Variants in SPAST observed in about 807,000 individuals in gnomAD.
SPAST encodes spastic paraplegia 4 (autosomal dominant; spastin).
In SPAST, 30 loss-of-function variants were observed where a neutral mutation model predicts 76.6. The observed-to-expected ratio is 0.39, with a 90% confidence interval of 0.29 to 0.53. The LOEUF (loss-of-function observed/expected upper bound fraction) is 0.53, where lower values mean the gene tolerates loss of function less well. SPAST is among the 20% of genes least tolerant of loss of function. The pLI is 0.68. For synonymous variants in SPAST, 305 were observed against 281.0 expected (o/e 1.09, Z -0.86); for missense variants, 717 against 770.5 (o/e 0.93, Z 0.82).
chr2:32,081,236 C>T (rs916185530), intron 1 of SPAST, among the ~76,000 whole-genome samples: 1 of 152,062 alleles, frequency 6.6e-6, no homozygotes, highest in Admixed American at 6.6e-5. Context: ...GGATTACAGG[C>T]GTGAGCCACC....
chr2:32,126,777 C>CA, intron 7 of SPAST, 171 bp from the exon 8 acceptor site: 1 of 582,746 alleles, frequency 1.7e-6, no homozygotes, highest in Non-Finnish European at 3.0e-6. Flanking sequence ...TGAGCCACCA[C>CA]ACCCAGCTGT....
At chr2:32,083,741 T>TATATATATA (rs1677340464) in intron 1 of SPAST, among the ~76,000 whole-genome samples, 2 of 57,136 alleles carry the variant, frequency 3.5e-5, no homozygotes. Context: ...CTATATATAT[T>TATATATATA]TATATATACT....
intron 1 of SPAST, among the ~76,000 whole-genome samples, chr2:32,086,992 A>G (rs547407856): frequency 5.0e-4 from 76 of 152,268 alleles, no homozygotes; most frequent in African/African-American, 1.7e-3. Context: ...GAAAATAGAA[A>G]TGTGTTATTA....
rs547463793 is a variant in SPAST, at chr2:32,063,992, C to G, written c.161C>G (p.Ser54Cys). 3.7e-6 allele frequency: 6 copies of G among 1,613,450 alleles called. No individual in the cohort carries two copies. The South Asian group carries it at 6.6e-5, about 18-fold the overall frequency. ...CATAAGCGGAACCTGTACTATTTCT[C>G]CTACCCGCTGTTTGTAGGCTTCGCG... ...SPHKRNLYYF[S>C]YPLFVGFALL... Residue 54 changes from serine (S) to cysteine (C), a missense_variant, in exon 1 of 17, where the codon TCC (serine) becomes TGC (cysteine). Ser to Cys is a moderately radical substitution (Grantham distance 112). This residue lies in a region of SPAST where 543 missense variants were observed against 445.2 expected (regional missense o/e 1.22). Coordinates refer to ENST00000315285, the MANE Select transcript of SPAST (RefSeq NM_014946.4).
chr2:32,118,398 A>G (rs1678913443), intron 7 of SPAST, among the ~76,000 whole-genome samples: 2 of 152,244 alleles, frequency 1.3e-5, no homozygotes. Flanking sequence ...GCTAATACCC[A>G]GTAAAATAAT....
chr2:32,086,039 CTAAATAAATAAA>C (rs57272659), intron 1 of SPAST, among the ~76,000 whole-genome samples: 5 of 150,296 alleles, frequency 3.3e-5, no homozygotes, highest in East Asian at 2.0e-4. Flanking sequence ...GAGACTCCAT[CTAAATAAATAAA>C]TAAATAAATA....
chr2:32,066,377 A>G (rs763627493), intron 1 of SPAST, among the ~76,000 whole-genome samples: 61 of 152,190 alleles, frequency 4.0e-4, no homozygotes, highest in Non-Finnish European at 6.2e-4. Context: ...TTAAGCGTAG[A>G]TCATTTTTTG....
At position 32,118,427 on chromosome 2, in the gene SPAST, G is replaced by T. The variant is rs141449129; in HGVS notation, c.1098+2215G>T. ...AAATAATTAGATAATTATTAAAATA[G>T]AAAGCATTTGTCATTATGTGAACTG... On this transcript the variant is annotated intron_variant, in intron 7 of 16. Transcript: ENST00000315285. Among the ~76,000 whole-genome samples, 773 of 152,224 alleles carry T rather than the reference G, an allele frequency of 5.1e-3. 5 individuals are homozygous for T. The highest frequency in any genetic ancestry group is 0.017 in the African/African-American group (711 of 41,522).
At chr2:32,089,770 CT>C (rs1211428345) in intron 3 of SPAST, among the ~76,000 whole-genome samples, 165 bp downstream of exon 3, 72 of 146,522 alleles carry the variant, frequency 4.9e-4, no homozygotes, top group East Asian at 1.6e-3. Context: ...TAATGGACTT[CT>C]TTTTTTTTTT....
At chr2:32,120,773 A>G (rs1377357334) in intron 7 of SPAST, among the ~76,000 whole-genome samples, 1 of 151,450 alleles carries the variant, frequency 6.6e-6, no homozygotes, top group Non-Finnish European at 1.5e-5. Flanking sequence ...CACTTTCATG[A>G]TTTATTTTCT....
Position 32,120,512 on chromosome 2 carries a change from G to T in SPAST, c.1098+4300G>T, listed in dbSNP as rs559461085. 2.8e-5 allele frequency among the ~76,000 whole-genome samples: 4 copies of T among 144,934 alleles called. No individual in the cohort carries two copies. In the East Asian group the frequency reaches 6.0e-4, roughly 22 times the overall value. ...CATCTTATCGATTGATAATTCTTCT[G>T]TTCCATTTCAGTCTAATTTCCACAT... On this transcript the variant is annotated intron_variant, in intron 7 of 16. Coordinates refer to ENST00000315285, the MANE Select transcript of SPAST (RefSeq NM_014946.4).
chr2:32,083,768 A>ATT (rs1553398805), intron 1 of SPAST, among the ~76,000 whole-genome samples: 6 of 51,608 alleles, frequency 1.2e-4, no homozygotes, highest in Non-Finnish European at 2.3e-4. Context: ...ATATATATAT[A>ATT]TATATATATT....
chr2:32,139,254 T>G (rs753709388), intron 12 of SPAST, among the ~76,000 whole-genome samples: 2 of 152,256 alleles, frequency 1.3e-5, no homozygotes, highest in South Asian at 2.1e-4. Flanking sequence ...GGCAGTATAG[T>G]CATTTTACGA....
At position 32,125,030 on chromosome 2, in the gene SPAST, T is replaced by C. The variant is rs558302122; in HGVS notation, c.1099-1918T>C. 7.2e-5 allele frequency among the ~76,000 whole-genome samples: 11 copies of C among 152,218 alleles called. No homozygotes were observed. The East Asian group carries it at 1.9e-3, about 27-fold the overall frequency. ...TAAGAGTGAACCCTAATGTAAAATATGGACTTCAGTTAATAATAATATATG... is the reference window on the plus strand; with the variant it reads ...TAAGAGTGAACCCTAATGTAAAATACGGACTTCAGTTAATAATAATATATG... On this transcript the variant is annotated intron_variant, in intron 7 of 16. Transcript: ENST00000315285.
Position 32,108,533 on chromosome 2 carries a change from T to C in SPAST, c.683-6105T>C, listed in dbSNP as rs546509331. Among the ~76,000 whole-genome samples the C allele has an allele frequency of 2.0e-5, 3 of 152,142 alleles. No individual in the cohort carries two copies. The South Asian group carries it at 6.2e-4, about 31-fold the overall frequency. ...CTTTATTTATATATTTATTTTTTTT[T>C]GAGATAGGGTCTGACTCTTTCTCCC... On this transcript the variant is annotated intron_variant, in intron 4 of 16. Transcript: ENST00000315285.
intron 1 of SPAST, among the ~76,000 whole-genome samples, chr2:32,075,859 CTT>C (rs56708982): frequency 1.1e-4 from 9 of 82,358 alleles, no homozygotes; most frequent in African/African-American, 1.4e-4. Context: ...AGACTCCTGG[CTT>C]TTTTTTTTTT....
At chr2:32,131,692 T>TTGA (rs1679373692) in intron 9 of SPAST, among the ~76,000 whole-genome samples, 1 of 139,490 alleles carries the variant, frequency 7.2e-6, no homozygotes, top group South Asian at 2.2e-4. Flanking sequence ...TTTTTTTTTT[T>TTGA]GAGATGGAGT....
intron 4 of SPAST, among the ~76,000 whole-genome samples, chr2:32,099,532 C>G (rs930364210): frequency 5.3e-5 from 8 of 151,268 alleles, no homozygotes; most frequent in African/African-American, 1.5e-4. Context: ...TTAATTAAAA[C>G]TTTTTTTTTA....
intron 1 of SPAST, among the ~76,000 whole-genome samples, chr2:32,083,759 TATATATATA>T (rs1558620163): frequency 5.5e-5 from 5 of 91,146 alleles, no homozygotes; most frequent in African/African-American, 1.9e-4. Flanking sequence ...ACTATATATA[TATATATATA>T]TATATATATT....
Sources: allele counts gnomAD v4.1 joint callset (sites outside exome capture counted in the v4.1 genomes callset), GRCh38; gene constraint gnomAD v4.1.1; regional missense constraint gnomAD v4.1.1; transcripts MANE v1.5; gene names NCBI Gene and HGNC (gene_info 2026-07-23, HGNC 2026-07-21).